Variants in SYNJ2BP observed in about 807,000 individuals in gnomAD.
SYNJ2BP encodes the protein synaptojanin 2 binding protein, also known as synaptojanin-2-binding protein.
Under a neutral mutation model 16.9 loss-of-function variants are expected in SYNJ2BP, and 10 were observed. The ratio of observed to expected loss-of-function variants is 0.59; its 90% CI spans 0.36 to 1.00. The LOEUF (loss-of-function observed/expected upper bound fraction) is 1.00, where lower values mean the gene tolerates loss of function less well. Among genes scored for constraint, SYNJ2BP ranks in the 50% least tolerant of loss-of-function variants. The pLI is 0.01. For missense variants in SYNJ2BP, 162 were observed against 186.7 expected (o/e 0.87, Z 0.77); for synonymous variants, 54 against 68.4 (o/e 0.79, Z 1.04).
intron 2 of SYNJ2BP, among the ~76,000 whole-genome samples, chr14:70,376,669 T>G (rs927381127): frequency 2.6e-5 from 4 of 152,366 alleles, no homozygotes; most frequent in African/African-American, 9.6e-5. Context: ...ATTCTCATGA[T>G]AACCCTATGA....
chr14:70,406,689 C>G (rs1337773358), intron 1 of SYNJ2BP, among the ~76,000 whole-genome samples: 22 of 152,166 alleles, frequency 1.4e-4, no homozygotes, highest in Non-Finnish European at 3.1e-4. Context: ...TAAACTAACT[C>G]ATCTAGTCTT....
At position 70,385,460 on chromosome 14, in the gene SYNJ2BP, G is replaced by A. The variant is rs747943908; in HGVS notation, c.201+3010C>T. Among the ~76,000 whole-genome samples the A allele has an allele frequency of 2.7e-4, 41 of 152,112 alleles. 1 individual carries two copies. The highest frequency in any genetic ancestry group is 1.9e-3 in the Admixed American group (29 of 15,278). On this transcript the variant is annotated intron_variant, in intron 2 of 3. Transcript: ENST00000256366. ...CAACCTCTGCCTCCCAGGTTCAAGC[G>A]ATTCTCGTGCCTCAGCCCCCTGAGT...
Position 70,367,473 on chromosome 14 carries a change from A to C in SYNJ2BP, c.*5518T>G, listed in dbSNP as rs1158096245. The C allele has an allele frequency of 6.7e-6, 1 of 150,354 alleles. No homozygotes were observed. Among genetic ancestry groups the C allele is most frequent in the Non-Finnish European group, 1.5e-5 (1 of 67,926 alleles). The allele number at this position is 150,354 out of a possible 1,614,324, so 9.3% of individuals were successfully genotyped here. A position where few individuals can be genotyped will look rare whatever the true frequency, so the allele number is the denominator to read the frequency against. ...ACTACTGGGGAGGCTGAGGCAGGAGAATCGCTTGAACCCGGGCGGCAGAGA... is the reference window on the plus strand; with the variant it reads ...ACTACTGGGGAGGCTGAGGCAGGAGCATCGCTTGAACCCGGGCGGCAGAGA... On this transcript the variant is annotated 3_prime_UTR_variant, in exon 4 of 4. Coordinates refer to ENST00000256366, the MANE Select transcript of SYNJ2BP (RefSeq NM_018373.3).
At chr14:70,377,734 A>G (rs1887663747) in intron 2 of SYNJ2BP, among the ~76,000 whole-genome samples, 1 of 151,992 alleles carries the variant, frequency 6.6e-6, no homozygotes, top group Admixed American at 6.6e-5. Flanking sequence ...ACTCACAGAC[A>G]CTCTGTCTTC....
intron 1 of SYNJ2BP, among the ~76,000 whole-genome samples, chr14:70,414,025 AAGTTTCTAGTGGTGATT>A (rs1888548048): frequency 6.6e-6 from 1 of 152,180 alleles, no homozygotes; most frequent in Non-Finnish European, 1.5e-5. Context: ...AATTATGTGG[AAGTTTCTAGTGGTGATT>A]AGTTTCTAGT....
At chr14:70,375,328 A>G (rs1287830921) in intron 3 of SYNJ2BP, among the ~76,000 whole-genome samples, 1 of 151,458 alleles carries the variant, frequency 6.6e-6, no homozygotes, top group Non-Finnish European at 1.5e-5. Context: ...TAGCATCCCA[A>G]GTAGCTGAGA....
intron 1 of SYNJ2BP, among the ~76,000 whole-genome samples, chr14:70,398,782 G>C (rs1888163690): frequency 6.6e-6 from 1 of 152,156 alleles, no homozygotes; most frequent in Non-Finnish European, 1.5e-5. Context: ...TCACAGCCTG[G>C]GGTGGGGGCT....
At chr14:70,378,782 A>G (rs1467740447) in intron 2 of SYNJ2BP, among the ~76,000 whole-genome samples, 1 of 152,174 alleles carries the variant, frequency 6.6e-6, no homozygotes, top group Admixed American at 6.5e-5. Context: ...ATGTCAAGAG[A>G]AAAAATTAAG....
intron 1 of SYNJ2BP, among the ~76,000 whole-genome samples, chr14:70,391,544 C>G (rs1312718238): frequency 6.6e-6 from 1 of 152,198 alleles, no homozygotes; most frequent in Non-Finnish European, 1.5e-5. Flanking sequence ...GGCCAACCCA[C>G]CTCTCCCAAG....
At chr14:70,407,046 T>C (rs34866539) in intron 1 of SYNJ2BP, among the ~76,000 whole-genome samples, 49,509 of 152,102 alleles carry the variant, frequency 0.33, 10,206 homozygotes, top group Non-Finnish European at 0.43. Context: ...CTGGTGATTA[T>C]GTACAAAAAT....
chr14:70,390,801 A>G (rs752894066), intron 1 of SYNJ2BP, among the ~76,000 whole-genome samples: 25 of 152,164 alleles, frequency 1.6e-4, no homozygotes, highest in Non-Finnish European at 3.1e-4. Flanking sequence ...AAAGAAAAAC[A>G]TGACCAAACA....
chr14:70,404,683 T>A lies in SYNJ2BP; in HGVS notation c.64+12217A>T, dbSNP rs1458358648. Among the ~76,000 whole-genome samples the A allele has an allele frequency of 2.0e-5, 3 of 152,178 alleles. No homozygotes were observed. The East Asian group carries it at 5.8e-4, about 29-fold the overall frequency. The stretch of plus-strand genomic sequence containing the variant: ...CTAAGAGTTAAAGTTACCGTCAATA[T>A]ATACAATTAAAACTACTGAACACAA... On this transcript the variant is annotated intron_variant, in intron 1 of 3. Transcript: ENST00000256366.
rs150836756 is a variant in SYNJ2BP, at chr14:70,393,416, C to T, written c.65-4810G>A. Among the ~76,000 whole-genome samples the T allele has an allele frequency of 9.4e-3, 1,435 of 152,202 alleles. 26 individuals are homozygous for T. Among genetic ancestry groups the T allele is most frequent in the African/African-American group, 0.032 (1,342 of 41,528 alleles). ...TGGAGATTCCTCAAGGATCTAGAAG[C>T]AGAAATACCATTTGACCCAGCAATC... On this transcript the variant is annotated intron_variant, in intron 1 of 3. Transcript: ENST00000256366.
At chr14:70,384,572 G>C (rs1887819663) in intron 2 of SYNJ2BP, among the ~76,000 whole-genome samples, 1 of 152,168 alleles carries the variant, frequency 6.6e-6, no homozygotes, top group African/African-American at 2.4e-5. Context: ...GCAAACTCTT[G>C]TAATTCTCAC....
chr14:70,406,881 C>T (rs1017775675), intron 1 of SYNJ2BP, among the ~76,000 whole-genome samples: 5 of 152,182 alleles, frequency 3.3e-5, no homozygotes, highest in African/African-American at 1.2e-4. Flanking sequence ...GTCTCCTGTA[C>T]AGCTAGCGCT....
At chr14:70,408,544 G>A (rs922591743) in intron 1 of SYNJ2BP, among the ~76,000 whole-genome samples, 3 of 151,858 alleles carry the variant, frequency 2.0e-5, no homozygotes, top group Non-Finnish European at 2.9e-5. Context: ...GTGGTAGCGG[G>A]CGCCTGTAAT....
chr14:70,388,474 A>C lies in SYNJ2BP; in HGVS notation c.197T>G (p.Leu66Arg). The C allele has an allele frequency of 2.6e-6, 4 of 1,567,084 alleles. No individual in the cohort carries two copies. The highest frequency in any genetic ancestry group is 3.5e-6 in the Non-Finnish European group (4 of 1,158,492). The change falls in exon 2 of 4, where the codon CTT becomes CGT. Residue 66 changes from leucine (L) to arginine (R), a missense_variant. By Grantham distance (102) the Leu-to-Arg change is moderately radical. Coordinates refer to ENST00000256366, the MANE Select transcript of SYNJ2BP (RefSeq NM_018373.3). ...DGRLQEGDKI[L>R]SVNGQDLKNL... The stretch of plus-strand genomic sequence containing the variant: ...GAGGCCGAAGCCCATTCTCACCGAA[A>C]GGATCTTATCACCCTCCTGGAGCCG...
Position 70,412,509 on chromosome 14 carries a change from C to CAGTATATATACAGTATATACGTATGTAT in SYNJ2BP, c.64+4390_64+4391insATACATACGTATATACTGTATATATACT, listed in dbSNP as rs1566626281. 9.9e-3 allele frequency among the ~76,000 whole-genome samples: 872 copies of CAGTATATATACAGTATATACGTATGTAT among 87,688 alleles called. 30 individuals are homozygous for CAGTATATATACAGTATATACGTATGTAT. Among genetic ancestry groups the CAGTATATATACAGTATATACGTATGTAT allele is most frequent in the African/African-American group, 0.025 (832 of 33,192 alleles). 57.5% of individuals were successfully genotyped at this position (87,688 alleles called of 152,430 possible). Reference sequence around the variant, plus strand: ...TATATATGTATGTATAGTATATATACAGTATATATACAGTATATATGTATG... The same window carrying CAGTATATATACAGTATATACGTATGTAT: ...TATATATGTATGTATAGTATATATACAGTATATATACAGTATATACGTATGTATAGTATATATACAGTATATATGTATG... On this transcript the variant is annotated intron_variant, in intron 1 of 3. Transcript: ENST00000256366.
chr14:70,401,414 A>AT (rs1415615422), intron 1 of SYNJ2BP, among the ~76,000 whole-genome samples: 3 of 149,986 alleles, frequency 2.0e-5, no homozygotes, highest in African/African-American at 7.3e-5. Flanking sequence ...TGGGCAATGT[A>AT]TTTTTTTTTA....
Sources: gnomAD v4.1 joint callset for allele counts (sites outside exome capture counted in the v4.1 genomes callset) on GRCh38, gnomAD v4.1.1 for gene constraint, MANE v1.5 for transcripts, NCBI Gene and HGNC (gene_info 2026-07-23, HGNC 2026-07-21) for gene names.